Variants in CSMD2 observed in about 807,000 individuals in gnomAD.
CSMD2 encodes the protein CUB and Sushi multiple domains 2.
In CSMD2, 130 loss-of-function variants were observed where a neutral mutation model predicts 398.5. The ratio of observed to expected loss-of-function variants is 0.33; its 90% CI spans 0.28 to 0.38. CSMD2 has a LOEUF of 0.38. CSMD2 is among the 10% of genes least tolerant of loss of function. The pLI is 1.00. For synonymous variants in CSMD2, 1,828 were observed against 1,908.5 expected (o/e 0.96, Z 1.10); for missense variants, 3,829 against 4,764.9 (o/e 0.80, Z 5.78).
rs1231673054 is a variant in CSMD2 at position 33,743,342 on chromosome 1, G to A, written c.2111C>T (p.Ala704Val). 5 of 1,614,120 alleles carry A rather than the reference G, an allele frequency of 3.1e-6. No homozygotes were observed. The highest frequency in any genetic ancestry group is 3.4e-6 in the Non-Finnish European group (4 of 1,180,012). The change falls in exon 14 of 71, where the codon GCC becomes GTC. Residue 704 changes from alanine to valine, a missense_variant. Ala to Val is a moderately conservative substitution (Grantham distance 64, BLOSUM62 0). This residue lies in a region of CSMD2 where 2,001 missense variants were observed against 2,567.1 expected (regional missense o/e 0.78). Transcript: ENST00000373381. The part of the protein sequence containing the change: ...PSSITSSGHV[A>V]RLEFQTDHST... ...GTGGTCAGTCTGGAACTCGAGACGG[G>A]CCACGTGGCCACTGCTTGTGATGGA...
At chr1:33,862,374 TGTGTGTGTGTG>T (rs1241218379) in intron 5 of CSMD2, 8 of 152,262 alleles carry the variant, frequency 5.3e-5, no homozygotes, top group African/African-American at 1.9e-4. Context: ...TGTGTGTGTG[TGTGTGTGTGTG>T]TGTGTGTGTG....
At chr1:34,129,750 C>T (rs2148493948) in intron 1 of CSMD2, among the ~76,000 whole-genome samples, 1 of 152,222 alleles carries the variant, frequency 6.6e-6, no homozygotes, top group East Asian at 1.9e-4. Flanking sequence ...TGTGCCAGGG[C>T]CTCCGCCGCT....
At chr1:33,674,699 T>C (rs908477765) in intron 25 of CSMD2, among the ~76,000 whole-genome samples, 1 of 152,180 alleles carries the variant, frequency 6.6e-6, no homozygotes, top group Admixed American at 6.5e-5. Flanking sequence ...ATGGATCACA[T>C]AGTTGGAAGT....
At chr1:33,590,124 A>G (rs1427231084) in intron 44 of CSMD2, among the ~76,000 whole-genome samples, 1 of 109,970 alleles carries the variant, frequency 9.1e-6, no homozygotes, top group Non-Finnish European at 1.8e-5. Context: ...TTACATTTTA[A>G]AACTAGGTTT....
intron 28 of CSMD2, 66 bp from the exon 29 acceptor site, chr1:33,646,901 A>C (rs1434809607): frequency 2.0e-6 from 3 of 1,497,912 alleles, no homozygotes; most frequent in Non-Finnish European, 2.7e-6. Flanking sequence ...CCGGGGTCTT[A>C]GGCTCAACCA....
intron 5 of CSMD2, among the ~76,000 whole-genome samples, chr1:33,882,536 G>A (rs752606385): frequency 6.6e-6 from 1 of 152,222 alleles, no homozygotes; most frequent in Non-Finnish European, 1.5e-5. Flanking sequence ...TGGCATTAGT[G>A]ATAAGGGCAC....
At chr1:33,801,922 G>A (rs1655655710) in intron 10 of CSMD2, among the ~76,000 whole-genome samples, 1 of 152,174 alleles carries the variant, frequency 6.6e-6, no homozygotes, top group African/African-American at 2.4e-5. Context: ...CTGGAAGAAG[G>A]AATTGCATTG....
At chr1:34,132,521 A>G (rs1469061390) in intron 1 of CSMD2, among the ~76,000 whole-genome samples, 2 of 152,226 alleles carry the variant, frequency 1.3e-5, no homozygotes, top group African/African-American at 4.8e-5. Context: ...GGGCTAAAGG[A>G]TGCCCAGATA....
chr1:33,519,560 G>A lies in CSMD2; in HGVS notation c.10854C>T (p.Ser3618=), dbSNP rs377399157. Residue 3618 remains serine (S), a synonymous_variant, in exon 70 of 71, where the codon AGC becomes AGT. Transcript: ENST00000373381. The surrounding 1 kb of genome is among the most constrained non-coding windows in gnomAD (Gnocchi z 5.6). ...RNIQPTDIMA[S]EAEFTVSTVC... is the part of the protein sequence containing the mutation. ...CTGTGCTGACTGTGAACTCCGCCTCGCTGGCCATGATGTCTGTGGGCTGGA... is the reference window on the plus strand; with the variant it reads ...CTGTGCTGACTGTGAACTCCGCCTCACTGGCCATGATGTCTGTGGGCTGGA... The A allele has an allele frequency of 1.2e-5, 20 of 1,613,952 alleles. No homozygotes were observed. In the African/African-American group the frequency reaches 1.3e-4, roughly 11 times the overall value.
intron 6 of CSMD2, among the ~76,000 whole-genome samples, chr1:33,846,532 T>C (rs957274513): frequency 7.9e-5 from 12 of 152,198 alleles, no homozygotes; most frequent in Admixed American, 2.0e-4. Context: ...AGTGAGGTGA[T>C]GACCGTGTTT....
chr1:33,523,726 C>A (rs1654519080), intron 66 of CSMD2, among the ~76,000 whole-genome samples: 1 of 152,214 alleles, frequency 6.6e-6, no homozygotes, highest in African/African-American at 2.4e-5. Flanking sequence ...AATCTGTCCA[C>A]TAATGCATAG....
At chr1:33,807,381 C>A (rs915027855) in intron 10 of CSMD2, among the ~76,000 whole-genome samples, 2 of 152,106 alleles carry the variant, frequency 1.3e-5, no homozygotes, top group Non-Finnish European at 2.9e-5. Flanking sequence ...TGCACATGTA[C>A]CCCCGAATCT....
At chr1:33,935,978 GA>G (rs1558128988) in intron 3 of CSMD2, 24 bp from the exon 4 acceptor site, 1 of 1,588,986 alleles carries the variant, frequency 6.3e-7, no homozygotes, top group East Asian at 2.2e-5. Flanking sequence ...CAGAGAAAGA[GA>G]CGGGTACCCC....
intron 28 of CSMD2, among the ~76,000 whole-genome samples, chr1:33,647,646 A>G (rs1044073949): frequency 3.9e-5 from 6 of 152,264 alleles, no homozygotes; most frequent in Non-Finnish European, 7.3e-5. Context: ...ATCAGCTTGA[A>G]AAAAGCCTCT....
chr1:33,675,062 A>G (rs1202259869), intron 25 of CSMD2, among the ~76,000 whole-genome samples: 1 of 152,250 alleles, frequency 6.6e-6, no homozygotes, highest in Non-Finnish European at 1.5e-5. Flanking sequence ...GAGAAGGAAG[A>G]GCAAACACAT....
intron 3 of CSMD2, among the ~76,000 whole-genome samples, chr1:34,029,230 C>A (rs1458839583): frequency 6.6e-6 from 1 of 152,144 alleles, no homozygotes; most frequent in Non-Finnish European, 1.5e-5. Context: ...GCACAAATGT[C>A]CAAGGGGACT....
chr1:33,932,235 G>A (rs1267733260), intron 4 of CSMD2, among the ~76,000 whole-genome samples: 1 of 152,138 alleles, frequency 6.6e-6, no homozygotes, highest in Non-Finnish European at 1.5e-5. Context: ...CTCCACAGGG[G>A]CCTGAAGCTC....
At chr1:33,558,529 A>G (rs1352066503) in intron 54 of CSMD2, among the ~76,000 whole-genome samples, 5 of 152,344 alleles carry the variant, frequency 3.3e-5, no homozygotes, top group African/African-American at 1.2e-4. Flanking sequence ...CTTTCCAAAC[A>G]TCTTCAAATC....
chr1:33,522,070 C>G (rs1440720382), intron 67 of CSMD2, among the ~76,000 whole-genome samples: 2 of 152,082 alleles, frequency 1.3e-5, no homozygotes, highest in Admixed American at 6.5e-5. Context: ...TTTTAGGGGG[C>G]GTAGCTGGGG....
Sources: gnomAD v4.1 joint callset for allele counts (sites outside exome capture counted in the v4.1 genomes callset) on GRCh38, gnomAD v4.1.1 for gene constraint, gnomAD v4.1.1 regional missense constraint, Gnocchi (gnomAD v3.1) non-coding constraint, MANE v1.5 for transcripts, NCBI Gene and HGNC (gene_info 2026-07-23, HGNC 2026-07-21) for gene names.